Variants in PALLD observed in about 807,000 individuals in gnomAD.
PALLD encodes palladin, cytoskeletal associated protein, also known as palladin.
PALLD carries 61 observed loss-of-function variants against 123.5 expected under a neutral mutation model. The observed-to-expected ratio is 0.49, with a 90% CI of 0.40 to 0.61. The LOEUF (loss-of-function observed/expected upper bound fraction) is 0.61. Among genes scored for constraint, PALLD ranks in the 20% least tolerant of loss-of-function variants. The pLI is 0.00. For missense variants in PALLD, 1,273 were observed against 1,377.0 expected (o/e 0.92, Z 1.20); for synonymous variants, 465 against 496.4 (o/e 0.94, Z 0.84).
chr4:168,557,288 C>T (rs1767418475), intron 2 of PALLD, among the ~76,000 whole-genome samples: 1 of 152,150 alleles, frequency 6.6e-6, no homozygotes, highest in East Asian at 1.9e-4. Flanking sequence ...AGGTGATCTG[C>T]CCATCTCAGC....
At chr4:168,668,144 T>A in intron 2 of PALLD, 46 bp from the exon 3 acceptor site, 1 of 1,471,438 alleles carries the variant, frequency 6.8e-7, no homozygotes, top group South Asian at 1.1e-5. Context: ...AACATCACCA[T>A]TTCCTTTCTT....
intron 10 of PALLD, among the ~76,000 whole-genome samples, chr4:168,779,145 A>G (rs1735560239): frequency 6.6e-6 from 1 of 152,202 alleles, no homozygotes; most frequent in South Asian, 2.1e-4. Context: ...TAAGTTACCC[A>G]CTGGTTATTG....
At chr4:168,685,645 A>G in intron 6 of PALLD, 86 bp downstream of exon 6, 1 of 887,038 alleles carries the variant, frequency 1.1e-6, no homozygotes, top group Non-Finnish European at 1.9e-6. Context: ...AATCTTTAAA[A>G]ATTAAAAGGA....
At chr4:168,676,580 A>T (rs921593043) in intron 3 of PALLD, among the ~76,000 whole-genome samples, 75 of 149,296 alleles carry the variant, frequency 5.0e-4, no homozygotes, top group East Asian at 9.7e-4. Flanking sequence ...ATATATATTT[A>T]AAAAAAAATT....
chr4:168,719,900 A>G (rs993499315), intron 10 of PALLD, among the ~76,000 whole-genome samples: 2 of 152,208 alleles, frequency 1.3e-5, no homozygotes, highest in African/African-American at 4.8e-5. Context: ...TTGCTGGGAA[A>G]GACATGATCT....
intron 10 of PALLD, among the ~76,000 whole-genome samples, chr4:168,800,916 ATAT>A (rs1198510962): frequency 6.6e-6 from 1 of 152,226 alleles, no homozygotes; most frequent in African/African-American, 2.4e-5. Flanking sequence ...ATTCAATTAA[ATAT>A]TATTCAGCAA....
intron 18 of PALLD, 125 bp from the exon 19 acceptor site, chr4:168,924,130 A>G: frequency 1.3e-6 from 1 of 794,484 alleles, no homozygotes; most frequent in Non-Finnish European, 2.1e-6. Context: ...CTAGCATCTT[A>G]CCACCTGGAG....
chr4:168,526,597 C>T (rs1365422859), intron 2 of PALLD, among the ~76,000 whole-genome samples: 2 of 152,112 alleles, frequency 1.3e-5, no homozygotes, highest in Admixed American at 1.3e-4. Flanking sequence ...TCTACAGAAA[C>T]ACAATTTAGT....
In PALLD at chr4:168,711,601, T is replaced by A; in HGVS notation, c.1642T>A (p.Tyr548Asn). 6.2e-7 allele frequency: 1 copy of A among 1,613,876 alleles called. No homozygotes were observed. The highest frequency in any genetic ancestry group is 8.5e-7 in the Non-Finnish European group (1 of 1,179,744). The change falls in exon 10 of 22, where the codon TAC (tyrosine) becomes AAC (asparagine). Residue 548 changes from tyrosine (Y) to asparagine (N), a missense_variant. By Grantham distance (143) the Tyr-to-Asn change is moderately radical (BLOSUM62 -2). Transcript: ENST00000505667. ...CTTAGCCAACACTGAAAACTGTAGT[T>A]ACGAGTCAATGGGAGAATCCAACAA... ...VTSANTENCS[Y>N]ESMGESNNDH...
intron 9 of PALLD, 63 bp downstream of exon 9, chr4:168,709,210 G>A (rs985757084): frequency 1.6e-5 from 25 of 1,572,788 alleles, no homozygotes; most frequent in Non-Finnish European, 1.7e-5. Flanking sequence ...GATGGCCACA[G>A]CAGAAAGGCA....
intron 10 of PALLD, among the ~76,000 whole-genome samples, chr4:168,782,260 G>A (rs945505761): frequency 6.6e-6 from 1 of 152,218 alleles, no homozygotes; most frequent in Non-Finnish European, 1.5e-5. Flanking sequence ...CTCTTTTTGA[G>A]TGTGCTTGCA....
At chr4:168,501,096 T>C (rs751564316) in intron 1 of PALLD, among the ~76,000 whole-genome samples, 25 of 152,208 alleles carry the variant, frequency 1.6e-4, no homozygotes, top group Non-Finnish European at 3.2e-4. Context: ...ATCTATAAAT[T>C]AAGTGACATA....
rs1006058226 is a variant in PALLD at position 168,595,711 on chromosome 4, G to A, written c.909-72479G>A. Among the ~76,000 whole-genome samples the A allele has an allele frequency of 3.9e-5, 6 of 152,094 alleles. No homozygotes were observed. In the South Asian group the frequency reaches 6.2e-4, roughly 16 times the overall value. ...AGTGAATATGGTTATGAATTCAGTC[G>A]TGAGAGTGCAGGACCTAAGAAACCT... On this transcript the variant is annotated intron_variant, in intron 2 of 21. Coordinates refer to ENST00000505667, the MANE Select transcript of PALLD (RefSeq NM_001166108.2).
rs1776730672 is a variant in PALLD, at chr4:168,639,732, G to C, written c.909-28458G>C. Among the ~76,000 whole-genome samples, 11 of 152,054 alleles carry C rather than the reference G, an allele frequency of 7.2e-5. No homozygotes were observed. In the South Asian group the frequency reaches 2.3e-3, roughly 32 times the overall value. On this transcript the variant is annotated intron_variant, in intron 2 of 21. Transcript: ENST00000505667. ...CTAATTTTTTGTATTTTTTAGTAGA[G>C]ACGGGGTTTCACCGTGTTAGCCAGG...
At chr4:168,500,856 T>C (rs1378197950) in intron 1 of PALLD, among the ~76,000 whole-genome samples, 3 of 152,208 alleles carry the variant, frequency 2.0e-5, no homozygotes, top group Non-Finnish European at 4.4e-5. Flanking sequence ...CCATATACAT[T>C]TATGCCTATA....
chr4:168,877,810 C>T, intron 10 of PALLD: 1 of 1,248,342 alleles, frequency 8.0e-7, no homozygotes, highest in Non-Finnish European at 1.0e-6. Context: ...CCCCGCGCAG[C>T]GCGCCGCCCT....
intron 2 of PALLD, among the ~76,000 whole-genome samples, chr4:168,638,064 A>G (rs1175704542): frequency 6.6e-6 from 1 of 151,948 alleles, no homozygotes; most frequent in Non-Finnish European, 1.5e-5. Context: ...TCTGTAAACC[A>G]CAAGGTCACA....
At chr4:168,858,246 A>C (rs1290639587) in intron 10 of PALLD, among the ~76,000 whole-genome samples, 2 of 152,232 alleles carry the variant, frequency 1.3e-5, no homozygotes, top group East Asian at 3.8e-4. Context: ...TTAGCCACAC[A>C]AAGTTAGTAC....
chr4:168,835,212 A>G (rs1257348743), intron 10 of PALLD, among the ~76,000 whole-genome samples: 2 of 152,194 alleles, frequency 1.3e-5, no homozygotes, highest in Admixed American at 1.3e-4. Context: ...CACTTATTTC[A>G]AGAGATCCGG....
Sources: allele counts gnomAD v4.1 joint callset (sites outside exome capture counted in the v4.1 genomes callset), GRCh38; gene constraint gnomAD v4.1.1; transcripts MANE v1.5; gene names NCBI Gene and HGNC (gene_info 2026-07-23, HGNC 2026-07-21).